OLFM2: variants seen among roughly 807,000 people sequenced by gnomAD.
The protein encoded by OLFM2 is noelin-2.
A neutral mutation model predicts 43.9 loss-of-function variants in OLFM2; 20 were observed. The observed-to-expected ratio is 0.46, with a 90% CI of 0.32 to 0.66. OLFM2 has a LOEUF of 0.66. OLFM2 is among the 30% of genes least tolerant of loss of function. The pLI is 0.04. For missense variants in OLFM2, 416 were observed against 643.6 expected (o/e 0.65, Z 3.83); for synonymous variants, 268 against 278.6 (o/e 0.96, Z 0.38).
intron 1 of OLFM2, among the ~76,000 whole-genome samples, chr19:9,921,995 A>C (rs937448087): frequency 6.6e-6 from 1 of 151,912 alleles, no homozygotes; most frequent in Admixed American, 6.6e-5. Flanking sequence ...TCGGCAGGCT[A>C]AGGTGGGAAG....
At chr19:9,872,237 C>A (rs1307068352) in intron 1 of OLFM2, among the ~76,000 whole-genome samples, 1 of 152,096 alleles carries the variant, frequency 6.6e-6, no homozygotes, top group Non-Finnish European at 1.5e-5. Context: ...ATCAGCCAGG[C>A]GCTGTGGCTC....
At chr19:9,904,034 T>A (rs2046762394) in intron 1 of OLFM2, among the ~76,000 whole-genome samples, 1 of 152,110 alleles carries the variant, frequency 6.6e-6, no homozygotes, top group Non-Finnish European at 1.5e-5. Flanking sequence ...AGACTTGTCA[T>A]TATACTGAAG....
chr19:9,854,967 T>C lies in OLFM2; in HGVS notation c.688-104A>G. Reference sequence around the variant, plus strand: ...AGTTCAACAGTCACTAAGTGGTCATTAGTCATGGGAACTCTGTTGACCATT... The same window carrying C: ...AGTTCAACAGTCACTAAGTGGTCATCAGTCATGGGAACTCTGTTGACCATT... On this transcript the variant is annotated intron_variant, in intron 5 of 5. Transcript: ENST00000264833. This position sits in a 1 kb window ranked among gnomAD's most constrained non-coding sequence, Gnocchi z 9.5. 1.2e-6 allele frequency: 1 copy of C among 849,152 alleles called. No individual in the cohort carries two copies. The highest frequency in any genetic ancestry group is 1.8e-6 in the Non-Finnish European group (1 of 558,606). 52.6% of individuals were successfully genotyped at this position (849,152 alleles called of 1,614,324 possible).
At chr19:9,860,571 G>C in intron 2 of OLFM2, 74 bp downstream of exon 2, 1 of 1,514,406 alleles carries the variant, frequency 6.6e-7, no homozygotes, top group Non-Finnish European at 8.9e-7. Context: ...TGGCTGACCT[G>C]GATGGGGCTG....
At chr19:9,904,839 G>T (rs2046771558) in intron 1 of OLFM2, among the ~76,000 whole-genome samples, 2 of 151,988 alleles carry the variant, frequency 1.3e-5, no homozygotes, top group South Asian at 4.2e-4. Context: ...GGGCCACATA[G>T]TGAGCTCCAT....
chr19:9,902,153 C>T (rs1254648994), intron 1 of OLFM2, among the ~76,000 whole-genome samples: 1 of 151,510 alleles, frequency 6.6e-6, no homozygotes, highest in Non-Finnish European at 1.5e-5. Context: ...CTCAGCCTCC[C>T]GAGTAGCTGG....
chr19:9,933,937 G>C (rs775910664), intron 1 of OLFM2, among the ~76,000 whole-genome samples: 2 of 152,182 alleles, frequency 1.3e-5, no homozygotes, highest in Non-Finnish European at 1.5e-5. Flanking sequence ...TGCCGACACC[G>C]TATTACATGG....
chr19:9,916,380 C>G (rs1332768980), intron 1 of OLFM2, among the ~76,000 whole-genome samples: 1 of 152,158 alleles, frequency 6.6e-6, no homozygotes, highest in Non-Finnish European at 1.5e-5. Context: ...AAGATGAGTT[C>G]TTGCCAGCTT....
chr19:9,900,321 A>C (rs1397724668), intron 1 of OLFM2, among the ~76,000 whole-genome samples: 1 of 152,120 alleles, frequency 6.6e-6, no homozygotes, highest in Admixed American at 6.6e-5. Context: ...GGAGCAGGGA[A>C]GGAGAGAAAC....
intron 1 of OLFM2, among the ~76,000 whole-genome samples, chr19:9,916,639 C>T (rs1290061105): frequency 6.6e-6 from 1 of 152,104 alleles, no homozygotes; most frequent in Non-Finnish European, 1.5e-5. Flanking sequence ...CAATTTGGGA[C>T]CCAAACAAAC....
At chr19:9,860,371 G>A (rs578239421) in intron 2 of OLFM2, among the ~76,000 whole-genome samples, 1 of 151,924 alleles carries the variant, frequency 6.6e-6, no homozygotes, top group South Asian at 2.1e-4. Flanking sequence ...GCTACTCAGA[G>A]GCTGAGGAGT....
chr19:9,855,658 C>T (rs1316592172), intron 5 of OLFM2, among the ~76,000 whole-genome samples: 9 of 152,090 alleles, frequency 5.9e-5, no homozygotes, highest in African/African-American at 1.9e-4. Flanking sequence ...CTCAGCCCCC[C>T]GGAATAGCAG....
chr19:9,908,083 G>A (rs1383918553), intron 1 of OLFM2, among the ~76,000 whole-genome samples: 1 of 151,738 alleles, frequency 6.6e-6, no homozygotes, highest in African/African-American at 2.4e-5. Flanking sequence ...ACATGATATG[G>A]CTCCCATCAC....
chr19:9,914,160 G>A (rs1251322638), intron 1 of OLFM2, among the ~76,000 whole-genome samples: 1 of 151,932 alleles, frequency 6.6e-6, no homozygotes, highest in East Asian at 1.9e-4. Context: ...TGAGCCGCGG[G>A]ACCCCGCGCG....
At chr19:9,866,656 C>T (rs528062824) in intron 1 of OLFM2, among the ~76,000 whole-genome samples, 3 of 152,092 alleles carry the variant, frequency 2.0e-5, no homozygotes, top group South Asian at 2.1e-4. Flanking sequence ...TGCACCATCA[C>T]GACTGGCTAT....
At chr19:9,900,988 A>AAGGAAGGAAGGAAGGGAGGGAGGGAGGG (rs1401980050) in intron 1 of OLFM2, among the ~76,000 whole-genome samples, 4 of 28,398 alleles carry the variant, frequency 1.4e-4, no homozygotes, top group African/African-American at 1.2e-3. Context: ...GGAAGGAAGG[A>AAGGAAGGAAGGAAGGGAGGGAGGGAGGG]AGGGAGGGAG....
chr19:9,906,624 C>T (rs1237557226), intron 1 of OLFM2, among the ~76,000 whole-genome samples: 1 of 152,104 alleles, frequency 6.6e-6, no homozygotes, highest in Admixed American at 6.6e-5. Context: ...ACAAACCGAA[C>T]TGCAGAGTCA....
chr19:9,917,936 T>C (rs1227258843), intron 1 of OLFM2, among the ~76,000 whole-genome samples: 1 of 152,178 alleles, frequency 6.6e-6, no homozygotes, highest in Non-Finnish European at 1.5e-5. Flanking sequence ...TGGAGTGCAG[T>C]GGTGAAATCT....
chr19:9,889,898 G>A (rs537884260), intron 1 of OLFM2, among the ~76,000 whole-genome samples: 25 of 150,550 alleles, frequency 1.7e-4, no homozygotes, highest in Admixed American at 8.0e-4. Flanking sequence ...ATTTATAGAC[G>A]AATCCTGGTT....
Sources: gnomAD v4.1 joint callset for allele counts (sites outside exome capture counted in the v4.1 genomes callset) on GRCh38, gnomAD v4.1.1 for gene constraint, Gnocchi (gnomAD v3.1) non-coding constraint, MANE v1.5 for transcripts, NCBI Gene and HGNC (gene_info 2026-07-23, HGNC 2026-07-21) for gene names.